Variants in SLC2A9 observed in about 807,000 individuals in gnomAD.
SLC2A9 encodes the protein solute carrier family 2 member 9.
In SLC2A9, 39 loss-of-function variants were observed where a neutral mutation model predicts 50.6. The ratio of observed to expected loss-of-function variants is 0.77; its 90% CI spans 0.60 to 1.01. The LOEUF (loss-of-function observed/expected upper bound fraction) is 1.01, where lower values mean the gene tolerates loss of function less well. Among genes scored for constraint, SLC2A9 ranks in the 50% least tolerant of loss-of-function variants. The pLI, the probability that SLC2A9 is intolerant of heterozygous loss-of-function variation, is 0.00. For synonymous variants in SLC2A9, 324 were observed against 276.9 expected (o/e 1.17, Z -1.69); for missense variants, 686 against 677.6 (o/e 1.01, Z -0.14).
At chr4:9,923,099 A>G (rs1744231901) in intron 6 of SLC2A9, 1 of 152,260 alleles carries the variant, frequency 6.6e-6, no homozygotes. Context: ...GAAAATAGCA[A>G]ACATAGAAGA....
intron 11 of SLC2A9, 91 bp from the exon 12 acceptor site, chr4:9,826,691 C>A: frequency 8.6e-7 from 1 of 1,157,926 alleles, no homozygotes; most frequent in Non-Finnish European, 1.3e-6. Flanking sequence ...GATAGCTCCA[C>A]ATTCATATAC....
chr4:9,850,293 G>C (rs1486252087), intron 10 of SLC2A9, among the ~76,000 whole-genome samples: 2 of 152,200 alleles, frequency 1.3e-5, no homozygotes, highest in African/African-American at 4.8e-5. Context: ...TGCTTAGACA[G>C]GTGGCAGGGG....
chr4:9,984,321 C>G (rs543647707), intron 4 of SLC2A9, among the ~76,000 whole-genome samples: 108 of 152,296 alleles, frequency 7.1e-4, no homozygotes, highest in African/African-American at 2.5e-3. Flanking sequence ...GCTGAACAAC[C>G]TGGTACCCTC....
At chr4:10,038,897 A>G (rs1764192609) in intron 1 of SLC2A9, among the ~76,000 whole-genome samples, 2 of 152,234 alleles carry the variant, frequency 1.3e-5, no homozygotes, top group South Asian at 4.1e-4. Flanking sequence ...AGCAGGATCA[A>G]CATTTTTCTT....
intron 9 of SLC2A9, among the ~76,000 whole-genome samples, chr4:9,889,402 A>C (rs146669868): frequency 6.6e-6 from 1 of 152,290 alleles, no homozygotes; most frequent in Non-Finnish European, 1.5e-5. Context: ...TTTCCTTTTA[A>C]ACTTCGGACA....
At chr4:9,863,982 C>A (rs1016061291) in intron 10 of SLC2A9, among the ~76,000 whole-genome samples, 1 of 152,060 alleles carries the variant, frequency 6.6e-6, no homozygotes, top group Non-Finnish European at 1.5e-5. Flanking sequence ...ACATTCCTCC[C>A]AGAGTGCATA....
chr4:9,916,359 G>T (rs1461666633), intron 7 of SLC2A9, among the ~76,000 whole-genome samples: 1 of 152,188 alleles, frequency 6.6e-6, no homozygotes, highest in African/African-American at 2.4e-5. Context: ...CTCATTCACA[G>T]CTGGCACTCT....
intron 8 of SLC2A9, among the ~76,000 whole-genome samples, chr4:9,898,690 T>C (rs13136962): frequency 0.4 from 61,162 of 152,108 alleles, 14,287 homozygotes; most frequent in Non-Finnish European, 0.52. Flanking sequence ...CATCCTTGCC[T>C]GGCTTGATGC....
At chr4:9,890,741 C>A (rs370260342) in intron 8 of SLC2A9, 30 bp from the exon 9 acceptor site, 52 of 1,544,080 alleles carry the variant, frequency 3.4e-5, no homozygotes, top group Non-Finnish European at 4.5e-5. Flanking sequence ...AGAGAGAGAG[C>A]TATTATTCCA....
At chr4:9,882,433 C>T (rs6838850) in intron 10 of SLC2A9, among the ~76,000 whole-genome samples, 18,429 of 152,088 alleles carry the variant, frequency 0.12, 1,302 homozygotes, top group African/African-American at 0.17. Flanking sequence ...GGAAAAATTA[C>T]TGGATCATTC....
chr4:9,826,508 G>GT lies in SLC2A9; in HGVS notation c.1511dup (p.Asn504LysfsTer30). ...CCTGGCTGATTTCTGCATAGGTTCT[G>GT]TTTTTGGTCTCAGGCAGCACAAAAT... On this transcript the variant is annotated frameshift_variant, in exon 12 of 12. Coordinates refer to ENST00000264784, the MANE Select transcript of SLC2A9 (RefSeq NM_020041.3). LOFTEE classifies it low-confidence loss of function (END_TRUNC). 6.2e-7 allele frequency: 1 copy of GT among 1,613,210 alleles called. No individual in the cohort carries two copies. Among genetic ancestry groups the GT allele is most frequent in the East Asian group, 2.2e-5 (1 of 44,834 alleles).
chr4:9,829,546 A>G (rs941991731), intron 11 of SLC2A9, among the ~76,000 whole-genome samples: 1 of 151,944 alleles, frequency 6.6e-6, no homozygotes, highest in African/African-American at 2.4e-5. Flanking sequence ...GAGCTTCTCC[A>G]CTGCAAAAGA....
intron 7 of SLC2A9, among the ~76,000 whole-genome samples, chr4:9,908,747 A>G (rs1741158039): frequency 6.6e-6 from 1 of 152,044 alleles, no homozygotes; most frequent in African/African-American, 2.4e-5. Context: ...GTTCTCCTGC[A>G]TTACTGGGAA....
intron 9 of SLC2A9, among the ~76,000 whole-genome samples, chr4:9,887,949 A>C (rs955088365): frequency 6.6e-6 from 1 of 152,214 alleles, no homozygotes; most frequent in African/African-American, 2.4e-5. Context: ...GCATCAGGCA[A>C]TATGAGCAAT....
intron 10 of SLC2A9, among the ~76,000 whole-genome samples, chr4:9,861,301 A>G (rs562606352): frequency 3.9e-5 from 6 of 152,146 alleles, no homozygotes; most frequent in African/African-American, 1.4e-4. Context: ...GGTACCACAC[A>G]CTTTTAAACG....
At chr4:9,816,645 C>T (rs1723633829) in intron 3 of SLC2A9, among the ~76,000 whole-genome samples, 1 of 152,086 alleles carries the variant, frequency 6.6e-6, no homozygotes, top group South Asian at 2.1e-4. Context: ...ACATTGAGTT[C>T]TACATCTTAG....
chr4:10,033,861 A>G (rs1764013975), intron 1 of SLC2A9, among the ~76,000 whole-genome samples: 1 of 152,114 alleles, frequency 6.6e-6, no homozygotes, highest in Admixed American at 6.5e-5. Context: ...CCCTTAAAGA[A>G]CCACATGGGC....
intron 10 of SLC2A9, among the ~76,000 whole-genome samples, chr4:9,869,453 C>T (rs1004094342): frequency 6.7e-6 from 1 of 150,050 alleles, no homozygotes; most frequent in African/African-American, 2.5e-5. Context: ...TCTCCTGCCT[C>T]TGGCCCTGGG....
At chr4:9,782,802 G>C in intron 3 of SLC2A9, 3 of 1,613,892 alleles carry the variant, frequency 1.9e-6, no homozygotes, top group Non-Finnish European at 2.5e-6. Flanking sequence ...CAGATCCGCA[G>C]GATTTCCTCC....
Sources: gnomAD v4.1 joint callset for allele counts (sites outside exome capture counted in the v4.1 genomes callset) on GRCh38, gnomAD v4.1.1 for gene constraint, MANE v1.5 for transcripts, NCBI Gene and HGNC (gene_info 2026-07-23, HGNC 2026-07-21) for gene names.